MMP26: variants seen among roughly 807,000 people sequenced by gnomAD.
MMP26 encodes the protein matrix metalloproteinase-26.
In MMP26, 33 loss-of-function variants were observed where a neutral mutation model predicts 31.0. The ratio of observed to expected loss-of-function variants is 1.06; its 90% CI spans 0.81 to 1.42. MMP26 has a LOEUF of 1.42. Ranked by LOEUF, MMP26 falls within the 40% of genes most tolerant of loss-of-function variation. MMP26 has a pLI of 0.00. For synonymous variants in MMP26, 122 were observed against 114.9 expected (o/e 1.06, Z -0.40); for missense variants, 347 against 316.1 (o/e 1.10, Z -0.74).
intron 2 of MMP26, among the ~76,000 whole-genome samples, chr11:4,859,259 A>C (rs566197300): frequency 1.3e-5 from 2 of 152,252 alleles, no homozygotes; most frequent in South Asian, 4.1e-4. Context: ...GCACAGCAAA[A>C]TGATAACCAA....
chr11:4,959,808 TATACTC>T (rs1471699942), intron 2 of MMP26, among the ~76,000 whole-genome samples: 6 of 152,360 alleles, frequency 3.9e-5, no homozygotes, highest in Non-Finnish European at 7.3e-5. Flanking sequence ...GTTTTCTAAA[TATACTC>T]ATACTCTCAC....
intron 2 of MMP26, among the ~76,000 whole-genome samples, chr11:4,834,799 A>G (rs1849693583): frequency 6.6e-6 from 1 of 152,182 alleles, no homozygotes; most frequent in South Asian, 2.1e-4. Context: ...CATACATTCC[A>G]GGGATTAAAT....
At chr11:4,939,492 A>T (rs1369962058) in intron 2 of MMP26, among the ~76,000 whole-genome samples, 1 of 152,106 alleles carries the variant, frequency 6.6e-6, no homozygotes, top group Admixed American at 6.6e-5. Flanking sequence ...TCTTTTCCAA[A>T]GTTGTTATCT....
At chr11:4,721,229 G>T (rs1848007972) in intron 1 of MMP26, among the ~76,000 whole-genome samples, 1 of 152,122 alleles carries the variant, frequency 6.6e-6, no homozygotes, top group South Asian at 2.1e-4. Flanking sequence ...AGCTCAATAT[G>T]GTCATGATAG....
intron 2 of MMP26, among the ~76,000 whole-genome samples, chr11:4,929,396 A>G (rs551172225): frequency 1.3e-5 from 2 of 152,276 alleles, no homozygotes; most frequent in Non-Finnish European, 2.9e-5. Context: ...GTTTGTCAGC[A>G]GGTACTATCA....
intron 2 of MMP26, among the ~76,000 whole-genome samples, chr11:4,922,006 T>G (rs952642648): frequency 5.9e-5 from 9 of 152,182 alleles, no homozygotes; most frequent in Admixed American, 2.0e-4. Context: ...CCTCCCATTC[T>G]CCTACATTTC....
intron 2 of MMP26, among the ~76,000 whole-genome samples, chr11:4,880,180 A>G (rs1231849930): frequency 2.0e-5 from 3 of 151,818 alleles, no homozygotes; most frequent in African/African-American, 2.4e-5. Flanking sequence ...TTGCCTGGGG[A>G]CTCTACTAGG....
At chr11:4,877,041 C>T (rs1026970083) in intron 2 of MMP26, 7 of 152,700 alleles carry the variant, frequency 4.6e-5, no homozygotes, top group Admixed American at 3.3e-4. Flanking sequence ...GCTCCCTGTG[C>T]CTTTTCTCAT....
intron 2 of MMP26, among the ~76,000 whole-genome samples, chr11:4,870,089 G>C (rs1850291069): frequency 6.6e-6 from 1 of 152,038 alleles, no homozygotes; most frequent in South Asian, 2.1e-4. Context: ...GGGGGATTGG[G>C]GAGGGATAGC....
intron 2 of MMP26, among the ~76,000 whole-genome samples, chr11:4,861,502 T>TAG (rs1031529091): frequency 6.6e-6 from 1 of 151,182 alleles, no homozygotes. Context: ...TATATATATA[T>TAG]AGAGAGAGGG....
intron 1 of MMP26, among the ~76,000 whole-genome samples, chr11:4,755,235 A>G (rs1848491523): frequency 0.012 from 1 of 86 alleles, no homozygotes; most frequent in Non-Finnish European, 0.062. Context: ...CAAATAAAGA[A>G]AAAAGAAAAA....
chr11:4,817,093 AT>A (rs71468011), intron 2 of MMP26, among the ~76,000 whole-genome samples: 9,855 of 151,850 alleles, frequency 0.065, 448 homozygotes, highest in Middle Eastern at 0.14. Flanking sequence ...TATTTTAATA[AT>A]TTTTTTGTTG....
chr11:4,884,765 T>C (rs554511581), intron 2 of MMP26, among the ~76,000 whole-genome samples: 9 of 152,290 alleles, frequency 5.9e-5, no homozygotes, highest in Admixed American at 1.3e-4. Flanking sequence ...AAAACAGTAT[T>C]TTTTTTCTTT....
chr11:4,936,284 C>T (rs1846110490), intron 2 of MMP26, among the ~76,000 whole-genome samples: 1 of 151,148 alleles, frequency 6.6e-6, no homozygotes, highest in Non-Finnish European at 1.5e-5. Flanking sequence ...AGAGATTCAA[C>T]TTCTTCCTGG....
At chr11:4,752,132 G>A (rs141697619) in intron 1 of MMP26, 1 of 152,216 alleles carries the variant, frequency 6.6e-6, no homozygotes, top group East Asian at 1.9e-4. Context: ...CAGAGGGGAT[G>A]AGCAAGTATA....
In MMP26 at chr11:4,970,316, A is replaced by T. The variant is rs191028933; in HGVS notation, c.-144-17752A>T. The stretch of plus-strand genomic sequence containing the variant: ...ATTCTTATGATTTTCTTTTGTTCTG[A>T]TATATAATCTGACAGAAGCTGTGGG... On this transcript the variant is annotated intron_variant, in intron 2 of 7. Coordinates refer to ENST00000380390, the MANE Select transcript of MMP26 (RefSeq NM_021801.5). Among the ~76,000 whole-genome samples, 755 of 152,228 alleles carry T rather than the reference A, an allele frequency of 5.0e-3. 5 individuals are homozygous for T. Among genetic ancestry groups the T allele is most frequent in the Middle Eastern group, 0.01 (3 of 294 alleles).
chr11:4,778,916 G>GT (rs990149000), intron 2 of MMP26, among the ~76,000 whole-genome samples: 1 of 151,800 alleles, frequency 6.6e-6, no homozygotes, highest in Non-Finnish European at 1.5e-5. Context: ...GTTTAATACT[G>GT]TTTTTTGTAT....
intron 2 of MMP26, among the ~76,000 whole-genome samples, chr11:4,871,516 G>A (rs1043779532): frequency 3.9e-5 from 6 of 152,056 alleles, no homozygotes; most frequent in African/African-American, 1.4e-4. Flanking sequence ...TCTGTATTAG[G>A]CAAAGCCGGG....
At chr11:4,948,232 C>T (rs2133608852) in intron 2 of MMP26, among the ~76,000 whole-genome samples, 1 of 125,174 alleles carries the variant, frequency 8.0e-6, no homozygotes, top group East Asian at 2.3e-4. Context: ...GTCTTACACA[C>T]AATAATGACC....
Sources: allele counts gnomAD v4.1 joint callset (sites outside exome capture counted in the v4.1 genomes callset), GRCh38; gene constraint gnomAD v4.1.1; transcripts MANE v1.5; gene names NCBI Gene and HGNC (gene_info 2026-07-23, HGNC 2026-07-21).